CLIC6: variants seen among roughly 807,000 people sequenced by gnomAD.
CLIC6 encodes chloride intracellular channel protein 6.
CLIC6 carries 39 observed loss-of-function variants against 49.2 expected under a neutral mutation model. That is an observed-to-expected ratio of 0.79 (90% CI 0.61 to 1.04). The LOEUF (loss-of-function observed/expected upper bound fraction) is 1.04. Ranked by LOEUF, CLIC6 falls within the 50% of genes least tolerant of loss-of-function variation. The probability of loss-of-function intolerance (pLI) is 0.00; values close to 1 mark genes in which losing one functional copy is unlikely to be tolerated. For synonymous variants in CLIC6, 446 were observed against 433.4 expected, an observed-to-expected ratio of 1.03 and a Z score of -0.36; for missense variants, 988 against 993.1, an observed-to-expected ratio of 0.99 and a Z score of 0.07.
chr21:34,669,847 C>T lies in CLIC6; in HGVS notation c.459C>T (p.Ser153=). The T allele has an allele frequency of 1.4e-6, 2 of 1,407,482 alleles. No homozygotes were observed. Among genetic ancestry groups the T allele is most frequent in the Non-Finnish European group, 1.8e-6 (2 of 1,090,336 alleles). The allele number at this position is 1,407,482 out of a possible 1,614,324, so 87.2% of individuals were successfully genotyped here. A position where few individuals can be genotyped will look rare whatever the true frequency, so the allele number is the denominator to read the frequency against. ...QRPEVPEGSA[S]GEAGDSVDAE... ...CTGAGGTCCCGGAAGGTAGCGCGTC[C>T]GGGGAGGCGGGGGACAGCGTAGACG... Residue 153 remains serine (S), a synonymous_variant, in exon 1 of 6, where the codon TCC becomes TCT. Transcript: ENST00000349499.
chr21:34,674,797 A>G (rs1247121326), intron 1 of CLIC6, among the ~76,000 whole-genome samples: 1 of 152,250 alleles, frequency 6.6e-6, no homozygotes, highest in Non-Finnish European at 1.5e-5. Context: ...GGGTAACAAC[A>G]TAATCACATA....
intron 1 of CLIC6, among the ~76,000 whole-genome samples, chr21:34,697,869 T>G (rs948071343): frequency 3.9e-5 from 6 of 152,176 alleles, no homozygotes; most frequent in African/African-American, 7.2e-5. Context: ...TTTTGCTGTC[T>G]CTGGCTGCCT....
chr21:34,669,596 G>A lies in CLIC6; in HGVS notation c.208G>A (p.Glu70Lys). ...AGGGGPDRGP[E>K]AEARGTRGAH... ...AGGCGGCGGGCCAGACAGGGGCCCG[G>A]AGGCCGAGGCGCGGGGCACGAGGGG... Residue 70 changes from glutamate (E) to lysine (K), a missense_variant, in exon 1 of 6, where the codon GAG (glutamate) becomes AAG (lysine). Glu to Lys is a moderately conservative substitution (Grantham distance 56). Coordinates refer to ENST00000349499, the MANE Select transcript of CLIC6 (RefSeq NM_053277.3). 7.9e-7 allele frequency: 1 copy of A among 1,271,436 alleles called. No homozygotes were observed. Among genetic ancestry groups the A allele is most frequent in the South Asian group, 2.9e-5 (1 of 33,906 alleles). 78.8% of individuals were successfully genotyped at this position (1,271,436 alleles called of 1,614,324 possible).
At chr21:34,688,263 C>T (rs1601270633) in intron 1 of CLIC6, among the ~76,000 whole-genome samples, 1 of 152,156 alleles carries the variant, frequency 6.6e-6, no homozygotes, top group African/African-American at 2.4e-5. Context: ...AGTGTGGCCG[C>T]CCCCCACCAT....
intron 1 of CLIC6, among the ~76,000 whole-genome samples, chr21:34,677,384 C>A (rs1475252485): frequency 6.6e-6 from 1 of 152,206 alleles, no homozygotes; most frequent in Non-Finnish European, 1.5e-5. Flanking sequence ...GCTGGTACTA[C>A]AGTATGGTAT....
chr21:34,669,368 C>A lies in CLIC6; in HGVS notation c.-21C>A. The stretch of plus-strand genomic sequence containing the variant: ...GCAGCGTCAAGGAAGGAGTCCCGAT[C>A]AAGGACAGGGATCTGCGGCCATGGC... On this transcript the variant is annotated 5_prime_UTR_variant, in exon 1 of 6. Transcript: ENST00000349499. 1.6e-6 allele frequency: 2 copies of A among 1,236,592 alleles called. No individual in the cohort carries two copies. The highest frequency in any genetic ancestry group is 8.2e-5 in the South Asian group (2 of 24,436). The allele number at this position is 1,236,592 out of a possible 1,614,324, so 76.6% of individuals were successfully genotyped here.
chr21:34,675,252 CA>C (rs71196903), intron 1 of CLIC6, among the ~76,000 whole-genome samples: 1,519 of 100,950 alleles, frequency 0.015, 21 homozygotes, highest in African/African-American at 0.047. Context: ...CCCGCCCCTC[CA>C]AAAAAAAAAA....
Position 34,716,438 on chromosome 21 carries a change from G to A in CLIC6, c.2017G>A (p.Glu673Lys). ...EFTNTCPADQ[E>K]IEHAYSDVAK... ...CACAAATACGTGTCCAGCTGATCAA[G>A]AGATTGAACACGCATATTCAGATGT... The change falls in exon 6 of 6, where the codon GAG (glutamate) becomes AAG (lysine). Residue 673 changes from glutamate (E) to lysine (K), a missense_variant. This residue lies in a region of CLIC6 where 647 missense variants were observed against 596.9 expected (regional missense o/e 1.08). Transcript: ENST00000349499. 1 of 1,613,974 alleles carries A rather than the reference G, an allele frequency of 6.2e-7. No individual in the cohort carries two copies. The highest frequency in any genetic ancestry group is 8.5e-7 in the Non-Finnish European group (1 of 1,179,926).
chr21:34,685,743 T>A (rs1280934643), intron 1 of CLIC6, among the ~76,000 whole-genome samples: 1 of 152,208 alleles, frequency 6.6e-6, no homozygotes, highest in Non-Finnish European at 1.5e-5. Flanking sequence ...CTGCCCTTTT[T>A]ACTAATATAT....
chr21:34,684,450 T>A (rs910561691), intron 1 of CLIC6, among the ~76,000 whole-genome samples: 24 of 152,244 alleles, frequency 1.6e-4, no homozygotes, highest in Admixed American at 1.1e-3. Context: ...GATGAATCAA[T>A]TTATCCATCT....
intron 1 of CLIC6, among the ~76,000 whole-genome samples, chr21:34,672,397 T>C (rs1989583425): frequency 6.6e-6 from 1 of 152,222 alleles, no homozygotes; most frequent in Non-Finnish European, 1.5e-5. Context: ...TACTGTTCCT[T>C]GAGGGAGCCA....
rs902585954 is a variant in CLIC6, at chr21:34,689,845, G to A, written c.1375-17435G>A. Among the ~76,000 whole-genome samples the A allele has an allele frequency of 3.9e-4, 59 of 152,276 alleles. 1 individual carries two copies. Among genetic ancestry groups the A allele is most frequent in the African/African-American group, 1.4e-3 (57 of 41,556 alleles). ...AACTCCATGTCTTTGTTGGCTCTCT[G>A]ATGTTTCCTTGAACGCTTTATCATT... On this transcript the variant is annotated intron_variant, in intron 1 of 5. Coordinates refer to ENST00000349499, the MANE Select transcript of CLIC6 (RefSeq NM_053277.3).
intron 1 of CLIC6, among the ~76,000 whole-genome samples, chr21:34,680,531 T>C (rs1047371783): frequency 1.9e-4 from 29 of 152,204 alleles, no homozygotes; most frequent in African/African-American, 6.3e-4. Flanking sequence ...AGAAAATTGG[T>C]TTTTCTTTTT....
rs535357444 is a variant in CLIC6 at position 34,699,295 on chromosome 21, A to G, written c.1375-7985A>G. Among the ~76,000 whole-genome samples, 19 of 152,240 alleles carry G rather than the reference A, an allele frequency of 1.2e-4. No homozygotes were observed. The South Asian group carries it at 3.7e-3, about 30-fold the overall frequency. ...GAGACAGGATCTCCCTCTGACACCC[A>G]GGCTGGAGTGCAGTGGGGAAATCTC... is the stretch of plus-strand genomic sequence containing the variant. On this transcript the variant is annotated intron_variant, in intron 1 of 5. Transcript: ENST00000349499.
At chr21:34,671,271 A>G (rs142011614) in intron 1 of CLIC6, among the ~76,000 whole-genome samples, 26 of 152,300 alleles carry the variant, frequency 1.7e-4, no homozygotes, top group African/African-American at 6.3e-4. Flanking sequence ...TCCAGACTCA[A>G]TCTCGGAGAC....
chr21:34,684,086 CTT>C (rs71950500), intron 1 of CLIC6, among the ~76,000 whole-genome samples: 18 of 142,832 alleles, frequency 1.3e-4, no homozygotes, highest in Non-Finnish European at 7.7e-5. Flanking sequence ...GTAAACGCTG[CTT>C]TTTTTTTTTT....
At position 34,716,050 on chromosome 21, in the gene CLIC6, G is replaced by A. The variant is rs138900459; in HGVS notation, c.1900-271G>A. ...ATCCACCAGAGTCCAGAGCATACTC[G>A]TGCCAGCGGATTCCAAGACCCATCT... On this transcript the variant is annotated intron_variant, in intron 5 of 5. Coordinates refer to ENST00000349499, the MANE Select transcript of CLIC6 (RefSeq NM_053277.3). Among the ~76,000 whole-genome samples, 26 of 152,310 alleles carry A rather than the reference G, an allele frequency of 1.7e-4. No homozygotes were observed. The East Asian group carries it at 4.2e-3, about 25-fold the overall frequency.
chr21:34,682,786 T>C (rs1197408691), intron 1 of CLIC6, among the ~76,000 whole-genome samples: 2 of 146,572 alleles, frequency 1.4e-5, no homozygotes, highest in Admixed American at 6.8e-5. Flanking sequence ...TTTCCAGTCC[T>C]ACCCCTTTCC....
chr21:34,712,555 C>A (rs1347559828), intron 5 of CLIC6, among the ~76,000 whole-genome samples: 1 of 152,174 alleles, frequency 6.6e-6, no homozygotes, highest in Non-Finnish European at 1.5e-5. Flanking sequence ...AATCACAGAA[C>A]TTCCCTATAG....
Sources: allele counts gnomAD v4.1 joint callset (sites outside exome capture counted in the v4.1 genomes callset), GRCh38; gene constraint gnomAD v4.1.1; regional missense constraint gnomAD v4.1.1; transcripts MANE v1.5; gene names NCBI Gene and HGNC (gene_info 2026-07-23, HGNC 2026-07-21).